The following WNT7A variants were observed in gnomAD, a reference collection of about 807,000 sequenced individuals.
The protein encoded by WNT7A is protein Wnt-7a.
WNT7A carries 16 observed loss-of-function variants against 28.2 expected under a neutral mutation model. The observed-to-expected ratio is 0.57, with a 90% CI of 0.38 to 0.86. The LOEUF (loss-of-function observed/expected upper bound fraction) is 0.86. Ranked by LOEUF, WNT7A falls within the 40% of genes least tolerant of loss-of-function variation. The pLI is 0.00. For missense variants in WNT7A, 411 were observed against 489.7 expected (o/e 0.84, Z 1.52); for synonymous variants, 190 against 195.9 (o/e 0.97, Z 0.25).
intron 2 of WNT7A, among the ~76,000 whole-genome samples, chr3:13,859,129 C>T (rs1694790551): frequency 6.6e-6 from 1 of 152,236 alleles, no homozygotes; most frequent in Non-Finnish European, 1.5e-5. Context: ...TTGTTACTAT[C>T]ACCGAGTCCC....
chr3:13,836,818 G>A (rs1251426627), intron 3 of WNT7A, among the ~76,000 whole-genome samples: 3 of 152,256 alleles, frequency 2.0e-5, no homozygotes, highest in Non-Finnish European at 4.4e-5. Flanking sequence ...CGAGGGAAGG[G>A]TATCACCTGT....
At chr3:13,864,098 T>C (rs1453347341) in intron 2 of WNT7A, among the ~76,000 whole-genome samples, 2 of 152,148 alleles carry the variant, frequency 1.3e-5, no homozygotes, top group Non-Finnish European at 2.9e-5. Context: ...CAGGAGGTCG[T>C]GAGCATGTGG....
rs56090932 is a variant in WNT7A at position 13,817,423 on chromosome 3, TACACACACACACACACACACACACAC to T, written c.*1495_*1520del. The T allele has an allele frequency of 0.13, 17,993 of 143,406 alleles. 1,345 individuals are homozygous for T. Among genetic ancestry groups the T allele is most frequent in the Middle Eastern group, 0.22 (61 of 280 alleles). The allele number at this position is 143,406 out of a possible 1,614,324, so 8.9% of individuals were successfully genotyped here. ...CACTCAAGTCCCTAAGAAGATACAGTACACACACACACACACACACACACACACACACACACACACACACACACCGG... is the reference window on the plus strand; with the variant it reads ...CACTCAAGTCCCTAAGAAGATACAGTACACACACACACACACACACACCGG... On this transcript the variant is annotated 3_prime_UTR_variant, in exon 4 of 4. Transcript: ENST00000285018.
At chr3:13,835,212 T>C (rs957806885) in intron 3 of WNT7A, among the ~76,000 whole-genome samples, 20 of 151,780 alleles carry the variant, frequency 1.3e-4, no homozygotes, top group Admixed American at 5.9e-4. Context: ...CTCGCTGGGG[T>C]CAGAGGAGCA....
At position 13,817,532 on chromosome 3, in the gene WNT7A, G is replaced by A. The variant is rs1694027429; in HGVS notation, c.*1412C>T. ...AGCCTGCTGGAGGACAGCTTTCTAG[G>A]CTGAGGCTCTGGGTGTAGCTGGACC... On this transcript the variant is annotated 3_prime_UTR_variant, in exon 4 of 4. Transcript: ENST00000285018. 6.6e-6 allele frequency: 1 copy of A among 152,504 alleles called. No individual in the cohort carries two copies. Among genetic ancestry groups the A allele is most frequent in the Non-Finnish European group, 1.5e-5 (1 of 68,364 alleles). The allele number at this position is 152,504 out of a possible 1,614,324, so 9.4% of individuals were successfully genotyped here. A position where few individuals can be genotyped will look rare whatever the true frequency, so the allele number is the denominator to read the frequency against.
intron 2 of WNT7A, among the ~76,000 whole-genome samples, chr3:13,866,271 AC>A (rs1331205598): frequency 6.6e-6 from 1 of 152,124 alleles, no homozygotes; most frequent in African/African-American, 2.4e-5. Flanking sequence ...AGAAAGACAG[AC>A]AATAATAACA....
rs1248617910 is a variant in WNT7A at position 13,879,900 on chromosome 3, C to T, written c.-84G>A. ...CGGCGGGGCAATCAACATAGCCCGC[C>T]CGGGAGGCGCGAGCCGAGGCGTCCC... On this transcript the variant is annotated 5_prime_UTR_variant, in exon 1 of 4. Coordinates refer to ENST00000285018, the MANE Select transcript of WNT7A (RefSeq NM_004625.4). 1 of 1,166,578 alleles carries T rather than the reference C, an allele frequency of 8.6e-7. No homozygotes were observed. Among genetic ancestry groups the T allele is most frequent in the African/African-American group, 1.6e-5 (1 of 61,934 alleles). The allele number at this position is 1,166,578 out of a possible 1,614,324, so 72.3% of individuals were successfully genotyped here.
intron 2 of WNT7A, among the ~76,000 whole-genome samples, chr3:13,869,266 A>C (rs1447394806): frequency 6.8e-6 from 1 of 146,360 alleles, no homozygotes; most frequent in Non-Finnish European, 1.5e-5. Context: ...AAGAGGGAGA[A>C]AGAAAAGAAA....
intron 3 of WNT7A, among the ~76,000 whole-genome samples, chr3:13,823,012 T>C (rs892193473): frequency 6.6e-6 from 1 of 152,192 alleles, no homozygotes. Context: ...TCAGGTGACA[T>C]CCAGCCTGCT....
intron 3 of WNT7A, among the ~76,000 whole-genome samples, chr3:13,820,630 C>A (rs1694092174): frequency 6.6e-6 from 1 of 152,078 alleles, no homozygotes; most frequent in African/African-American, 2.4e-5. Flanking sequence ...ATGAGACATT[C>A]AAAAAACTCG....
In WNT7A at chr3:13,854,766, G is replaced by A. The variant is rs768821445; in HGVS notation, c.336C>T (p.Ala112=). ...CTGTGATGGCGTGGGCCACGCCGGC[G>A]GCAATGATGGCGTAGGTGAACGCAG... ...REAAFTYAII[A]AGVAHAITAA... Residue 112 remains alanine (A), a synonymous_variant, in exon 3 of 4, where the codon GCC becomes GCT. Coordinates refer to ENST00000285018, the MANE Select transcript of WNT7A (RefSeq NM_004625.4). 82 of 1,613,590 alleles carry A rather than the reference G, an allele frequency of 5.1e-5. 1 individual carries two copies. In the South Asian group the frequency reaches 8.2e-4, roughly 16 times the overall value.
At chr3:13,859,401 C>T (rs1694794339) in intron 2 of WNT7A, among the ~76,000 whole-genome samples, 1 of 152,182 alleles carries the variant, frequency 6.6e-6, no homozygotes, top group African/African-American at 2.4e-5. Flanking sequence ...AGCACCTACC[C>T]TGTAGGAAGA....
At chr3:13,846,798 A>G (rs955641748) in intron 3 of WNT7A, among the ~76,000 whole-genome samples, 1 of 152,088 alleles carries the variant, frequency 6.6e-6, no homozygotes, top group Non-Finnish European at 1.5e-5. Context: ...CACCTTCCTG[A>G]GGCTGCTCCA....
intron 3 of WNT7A, among the ~76,000 whole-genome samples, chr3:13,853,790 CA>C (rs1432964898): frequency 6.6e-6 from 1 of 152,224 alleles, no homozygotes; most frequent in Non-Finnish European, 1.5e-5. Context: ...CTTTAATTCT[CA>C]CCATGGCCCA....
chr3:13,872,545 G>T (rs1161706914), intron 2 of WNT7A, among the ~76,000 whole-genome samples: 3 of 152,080 alleles, frequency 2.0e-5, no homozygotes, highest in Non-Finnish European at 2.9e-5. Context: ...CCGACCAACT[G>T]CCCTGCATCG....
chr3:13,874,860 G>T, intron 2 of WNT7A, 87 bp downstream of exon 2: 1 of 1,354,710 alleles, frequency 7.4e-7, no homozygotes, highest in Non-Finnish European at 1.0e-6. Flanking sequence ...GCAGGGGCAG[G>T]TGAGGGAGTT....
chr3:13,821,988 A>C (rs1279214807), intron 3 of WNT7A, among the ~76,000 whole-genome samples: 1 of 152,272 alleles, frequency 6.6e-6, no homozygotes, highest in Non-Finnish European at 1.5e-5. Context: ...CAAGCACATG[A>C]GAAGATGTTC....
chr3:13,846,741 C>T (rs1694543108), intron 3 of WNT7A, among the ~76,000 whole-genome samples: 1 of 152,094 alleles, frequency 6.6e-6, no homozygotes, highest in Non-Finnish European at 1.5e-5. Flanking sequence ...TGCCTGCCAC[C>T]CTCCTAACCA....
chr3:13,840,023 G>T (rs891827176), intron 3 of WNT7A, among the ~76,000 whole-genome samples: 3 of 152,158 alleles, frequency 2.0e-5, no homozygotes, highest in Non-Finnish European at 2.9e-5. Context: ...TTCTCTCACA[G>T]GGAAGCAGGG....
Sources: gnomAD v4.1 joint callset for allele counts (sites outside exome capture counted in the v4.1 genomes callset) on GRCh38, gnomAD v4.1.1 for gene constraint, MANE v1.5 for transcripts, NCBI Gene and HGNC (gene_info 2026-07-23, HGNC 2026-07-21) for gene names.